SYCE1L: variants seen among roughly 807,000 people sequenced by gnomAD.
SYCE1L encodes synaptonemal complex central element protein 1-like.
Under a neutral mutation model 39.6 loss-of-function variants are expected in SYCE1L, and 51 were observed. The observed-to-expected ratio is 1.29, with a 90% CI of 1.03 to 1.63. The LOEUF (loss-of-function observed/expected upper bound fraction) is 1.63, where lower values mean the gene tolerates loss of function less well. Ranked by LOEUF, SYCE1L falls within the 40% of genes most tolerant of loss-of-function variation. SYCE1L has a pLI of 0.00. For missense variants in SYCE1L, 426 were observed against 304.9 expected (o/e 1.40, Z -2.96); for synonymous variants, 147 against 122.4 (o/e 1.20, Z -1.33).
In SYCE1L at chr16:77,207,235, G is replaced by A. The variant is rs575087506; in HGVS notation, c.121+735G>A. On this transcript the variant is annotated intron_variant, in intron 2 of 10. Coordinates refer to ENST00000378644, the MANE Select transcript of SYCE1L (RefSeq NM_001129979.3). ...ACCCACTCTCCTGGAAATCACAGAA[G>A]CTGGAGTTGGTGACCTTGGAAAAAT... Among the ~76,000 whole-genome samples the A allele has an allele frequency of 5.4e-4, 82 of 152,308 alleles. 2 individuals are homozygous for A. In the South Asian group the frequency reaches 0.017, roughly 31 times the overall value.
In SYCE1L at chr16:77,212,198, G is replaced by C; in HGVS notation, c.492G>C (p.Glu164Asp). The C allele has an allele frequency of 6.5e-7, 1 of 1,547,640 alleles. No homozygotes were observed. Among genetic ancestry groups the C allele is most frequent in the Non-Finnish European group, 8.7e-7 (1 of 1,145,796 alleles). ...GAAGCAAGGAGCAGCTGCTCTCGGA[G>C]AGTGAGCCTCCCGCGCCAGGTGGGC... ...LERSKEQLLS[E>D]RRLVRAKLRE... The change falls in exon 8 of 11, where the codon GAG becomes GAC. Residue 164 changes from glutamate to aspartate, a missense_variant and splice_region_variant. Transcript: ENST00000378644.
intron 1 of SYCE1L, among the ~76,000 whole-genome samples, chr16:77,202,712 T>C (rs1190843481): frequency 5.9e-5 from 9 of 152,186 alleles, no homozygotes; most frequent in Non-Finnish European, 1.2e-4. Context: ...TGTCCTTAAG[T>C]AGTTGAGACT....
intron 1 of SYCE1L, among the ~76,000 whole-genome samples, chr16:77,202,797 A>G (rs979887646): frequency 4.6e-5 from 7 of 152,248 alleles, no homozygotes; most frequent in Non-Finnish European, 1.0e-4. Flanking sequence ...CAGGAAAAAC[A>G]TAGCTGAAAT....
intron 1 of SYCE1L, among the ~76,000 whole-genome samples, chr16:77,203,874 C>T (rs184578726): frequency 1.1e-4 from 16 of 152,128 alleles, no homozygotes; most frequent in Admixed American, 6.5e-4. Context: ...GGATTACAGG[C>T]GTGAGCCACT....
At position 77,209,445 on chromosome 16, in the gene SYCE1L, C is replaced by A. The variant is rs1473701252; in HGVS notation, c.333C>A (p.Cys111Ter). The A allele has an allele frequency of 6.4e-7, 1 of 1,551,730 alleles. No individual in the cohort carries two copies. Among genetic ancestry groups the A allele is most frequent in the East Asian group, 2.4e-5 (1 of 40,906 alleles). ...QEALRILQMH[C>*]QEKESEAQRL... ...CACTGAGGATCCTCCAGATGCACTGCCAAGAGAAGGAAAGCGAGGCTCAGA... is the reference window on the plus strand; with the variant it reads ...CACTGAGGATCCTCCAGATGCACTGACAAGAGAAGGAAAGCGAGGCTCAGA... The change falls in exon 6 of 11, where the codon TGC becomes TGA. Residue 111 changes from cysteine (C) to a stop codon, truncating the protein, a stop_gained. Coordinates refer to ENST00000378644, the MANE Select transcript of SYCE1L (RefSeq NM_001129979.3). LOFTEE classifies it high-confidence loss of function.
At chr16:77,205,849 G>T (rs1299633710) in intron 1 of SYCE1L, among the ~76,000 whole-genome samples, 2 of 152,144 alleles carry the variant, frequency 1.3e-5, no homozygotes, top group Admixed American at 6.5e-5. Context: ...AAGGCAGCTT[G>T]TAAGTGCATC....
chr16:77,211,334 C>G (rs1311986161), intron 7 of SYCE1L, 58 bp downstream of exon 7: 1 of 1,543,484 alleles, frequency 6.5e-7, no homozygotes, highest in East Asian at 2.4e-5. Flanking sequence ...TAGTGTCGCA[C>G]TGACTGGCCC....
chr16:77,204,534 C>G (rs1460728990), intron 1 of SYCE1L, among the ~76,000 whole-genome samples: 1 of 152,096 alleles, frequency 6.6e-6, no homozygotes. Flanking sequence ...CCTGACAACA[C>G]AAATGTAGAT....
rs541915477 is a variant in SYCE1L at position 77,212,838 on chromosome 16, C to G, written c.655-19C>G. The G allele has an allele frequency of 3.7e-4, 550 of 1,470,756 alleles. 3 individuals are homozygous for G. In the East Asian group the frequency reaches 0.012, roughly 33 times the overall value. 91.1% of individuals were successfully genotyped at this position (1,470,756 alleles called of 1,614,324 possible). A position where few individuals can be genotyped will look rare whatever the true frequency, so the allele number is the denominator to read the frequency against. ...GGAGCGTAGGAACCTGGTCCGCAGCCTCACCCAGCCCCCGGCAGGCCGGAC... is the reference window on the plus strand; with the variant it reads ...GGAGCGTAGGAACCTGGTCCGCAGCGTCACCCAGCCCCCGGCAGGCCGGAC... On this transcript the variant is annotated intron_variant, in intron 10 of 10. Coordinates refer to ENST00000378644, the MANE Select transcript of SYCE1L (RefSeq NM_001129979.3).
chr16:77,207,985 A>G (rs2054797088), intron 2 of SYCE1L, among the ~76,000 whole-genome samples: 1 of 152,018 alleles, frequency 6.6e-6, no homozygotes, highest in African/African-American at 2.4e-5. Flanking sequence ...ATTTCTCTTC[A>G]CAGCAGTTAC....
At chr16:77,200,272 G>GTATATATA (rs1333107439) in intron 1 of SYCE1L, 3 of 84,654 alleles carry the variant, frequency 3.5e-5, no homozygotes, top group Non-Finnish European at 7.0e-5. Context: ...ATATATATAT[G>GTATATATA]TGTATATATA....
intron 1 of SYCE1L, among the ~76,000 whole-genome samples, chr16:77,204,106 C>T (rs1231408409): frequency 6.6e-6 from 1 of 152,060 alleles, no homozygotes; most frequent in Non-Finnish European, 1.5e-5. Flanking sequence ...AACATACTTG[C>T]CTGGTAAGAG....
At chr16:77,212,430 C>T in intron 9 of SYCE1L, 61 bp downstream of exon 9, 1 of 1,532,514 alleles carries the variant, frequency 6.5e-7, no homozygotes, top group Non-Finnish European at 8.8e-7. Flanking sequence ...GGAACCCGCC[C>T]AGGTCCCCCG....
intron 9 of SYCE1L, 39 bp downstream of exon 9, chr16:77,212,408 G>A (rs1356466768): frequency 1.3e-6 from 2 of 1,530,006 alleles, no homozygotes; most frequent in African/African-American, 1.4e-5. Context: ...GAGGGCAGGG[G>A]CAGGGCGGAG....
At chr16:77,208,081 C>G in intron 2 of SYCE1L, 129 bp from the exon 3 acceptor site, 1 of 923,858 alleles carries the variant, frequency 1.1e-6, no homozygotes, top group Non-Finnish European at 1.6e-6. Flanking sequence ...TCTGGCAGAG[C>G]TCAACACACA....
rs1377328004 is a variant in SYCE1L at position 77,208,231 on chromosome 16, T to G, written c.143T>G (p.Ile48Arg). ...LQKEGSLEPQ[I>R]EDLISRINDL... Reference sequence around the variant, plus strand: ...TCAGAGGGAAGCCTGGAGCCACAGATAGAGGACCTGATTAGCCGGATTAAT... The same window carrying G: ...TCAGAGGGAAGCCTGGAGCCACAGAGAGAGGACCTGATTAGCCGGATTAAT... Residue 48 changes from isoleucine to arginine, a missense_variant, in exon 3 of 11, where the codon ATA (isoleucine) becomes AGA (arginine). By Grantham distance (97) the Ile-to-Arg change is moderately conservative (BLOSUM62 -3). Coordinates refer to ENST00000378644, the MANE Select transcript of SYCE1L (RefSeq NM_001129979.3). 6.4e-7 allele frequency: 1 copy of G among 1,551,692 alleles called. No homozygotes were observed. Among genetic ancestry groups the G allele is most frequent in the South Asian group, 1.2e-5 (1 of 84,060 alleles).
intron 1 of SYCE1L, 198 bp downstream of exon 1, chr16:77,199,710 G>T: frequency 1.9e-6 from 1 of 529,680 alleles, no homozygotes; most frequent in African/African-American, 1.9e-5. Flanking sequence ...TCTTATCACC[G>T]AGATTAACTT....
At position 77,204,937 on chromosome 16, in the gene SYCE1L, C is replaced by G. The variant is rs943022718; in HGVS notation, c.62-1504C>G. Among the ~76,000 whole-genome samples, 26 of 150,796 alleles carry G rather than the reference C, an allele frequency of 1.7e-4. 1 individual carries two copies. ...GCGTGCGCCTTTAGTCCCAGGTACT[C>G]AGGAGGCTGAGGCAGGAGAATCGCT... On this transcript the variant is annotated intron_variant, in intron 1 of 10. Transcript: ENST00000378644.
rs1049549562 is a variant in SYCE1L, at chr16:77,212,234, G to A, written c.493+35G>A. ...CCGCGCCAGGTGGGCGGGGGGAGGG[G>A]GATGTGCCCGGGCCTCGGCCCTGCC... On this transcript the variant is annotated intron_variant, in intron 8 of 10. Coordinates refer to ENST00000378644, the MANE Select transcript of SYCE1L (RefSeq NM_001129979.3). 9.1e-6 allele frequency: 14 copies of A among 1,541,876 alleles called. No individual in the cohort carries two copies. In the African/African-American group the frequency reaches 9.6e-5, roughly 11 times the overall value.
Sources: allele counts gnomAD v4.1 joint callset (sites outside exome capture counted in the v4.1 genomes callset), GRCh38; gene constraint gnomAD v4.1.1; transcripts MANE v1.5; gene names NCBI Gene and HGNC (gene_info 2026-07-23, HGNC 2026-07-21).